KIF3C: variants seen among roughly 807,000 people sequenced by gnomAD.
KIF3C encodes the protein kinesin family member 3C.
Under a neutral mutation model 67.7 loss-of-function variants are expected in KIF3C, and 12 were observed. The observed-to-expected ratio is 0.18, with a 90% CI of 0.11 to 0.29. The LOEUF is 0.29. Ranked by LOEUF, KIF3C falls within the 10% of genes least tolerant of loss-of-function variation. The pLI is 1.00. For synonymous variants in KIF3C, 393 were observed against 426.2 expected (o/e 0.92, Z 0.96); for missense variants, 789 against 1,059.6 (o/e 0.74, Z 3.55).
intron 1 of KIF3C, among the ~76,000 whole-genome samples, chr2:25,960,822 G>C (rs1421023259): frequency 6.6e-6 from 1 of 152,188 alleles, no homozygotes; most frequent in East Asian, 1.9e-4. Flanking sequence ...TGTGGTCCCA[G>C]CTACTCGCAA....
At position 25,955,860 on chromosome 2, in the gene KIF3C, C is replaced by T. The variant is rs1473439825; in HGVS notation, c.1648-197G>A. On this transcript the variant is annotated intron_variant, in intron 2 of 7. Transcript: ENST00000264712. The surrounding 1 kb of genome is among the most constrained non-coding windows in gnomAD (Gnocchi z 5.0). ...TCAGTTCCCAGGGCCATGCCTTTGC[C>T]AGGCTCTGCCCCATGTGGATGGAGA... 6.6e-6 allele frequency among the ~76,000 whole-genome samples: 1 copy of T among 152,130 alleles called. No individual in the cohort carries two copies. The highest frequency in any genetic ancestry group is 1.5e-5 in the Non-Finnish European group (1 of 68,006).
Position 25,980,415 on chromosome 2 carries a change from C to A in KIF3C, c.1503G>T (p.Arg501=). 1 of 1,614,088 alleles carries A rather than the reference C, an allele frequency of 6.2e-7. No homozygotes were observed. The highest frequency in any genetic ancestry group is 8.5e-7 in the Non-Finnish European group (1 of 1,180,018). Reference sequence around the variant, plus strand: ...GCAGCTCTGTGGCCTGCTGTTCCCGCCGCAGGTCCTCCAGCATCTTCTCCT... The same window carrying A: ...GCAGCTCTGTGGCCTGCTGTTCCCGACGCAGGTCCTCCAGCATCTTCTCCT... ...EEKEKMLEDL[R]REQQATELLA... is the part of the protein sequence containing the mutation. The change falls in exon 1 of 8, where the codon CGG becomes CGT. Residue 501 remains arginine (R), a synonymous_variant. Coordinates refer to ENST00000264712, the MANE Select transcript of KIF3C (RefSeq NM_002254.8). The surrounding 1 kb of genome is among the most constrained non-coding windows in gnomAD (Gnocchi z 7.6).
intron 1 of KIF3C, among the ~76,000 whole-genome samples, chr2:25,974,354 C>T (rs1258481468): frequency 1.3e-5 from 2 of 152,164 alleles, no homozygotes; most frequent in Non-Finnish European, 2.9e-5. Flanking sequence ...AGGCATGAGC[C>T]ACCGCGCCCG....
chr2:25,962,802 A>ATT (rs1559555107), intron 1 of KIF3C, among the ~76,000 whole-genome samples: 11 of 89,608 alleles, frequency 1.2e-4, no homozygotes, highest in African/African-American at 5.5e-4. Context: ...TATATTATAT[A>ATT]ATATATAATA....
intron 5 of KIF3C, among the ~76,000 whole-genome samples, chr2:25,934,923 G>A (rs756806808): frequency 3.3e-5 from 5 of 150,790 alleles, no homozygotes; most frequent in Non-Finnish European, 5.9e-5. Flanking sequence ...GCTACAGAGC[G>A]AAGATCCCAG....
chr2:25,955,396 G>T lies in KIF3C; in HGVS notation c.1770+145C>A. On this transcript the variant is annotated intron_variant, in intron 3 of 7. Transcript: ENST00000264712. The surrounding 1 kb of genome is among the most constrained non-coding windows in gnomAD (Gnocchi z 5.0). Reference sequence around the variant, plus strand: ...CAGCCCCCGCCTCCTGCCTCCCCCTGTTGCTCACCCCCGAGGCCAAGCCAT... The same window carrying T: ...CAGCCCCCGCCTCCTGCCTCCCCCTTTTGCTCACCCCCGAGGCCAAGCCAT... The T allele has an allele frequency of 2.1e-6, 2 of 956,422 alleles. No individual in the cohort carries two copies. The highest frequency in any genetic ancestry group is 3.2e-6 in the Non-Finnish European group (2 of 632,322). 59.2% of individuals were successfully genotyped at this position (956,422 alleles called of 1,614,324 possible).
At chr2:25,940,650 CTTTTTTTTTTTTTTT>C (rs70950139) in intron 5 of KIF3C, among the ~76,000 whole-genome samples, 3 of 74,174 alleles carry the variant, frequency 4.0e-5, no homozygotes, top group African/African-American at 1.6e-4. Flanking sequence ...TCAGAATGTT[CTTTTTTTTTTTTTTT>C]TTTTTTTTTG....
chr2:25,963,196 A>ATTTTT lies in KIF3C; in HGVS notation c.1546-6757_1546-6753dup, dbSNP rs1165957083. On this transcript the variant is annotated intron_variant, in intron 1 of 7. Coordinates refer to ENST00000264712, the MANE Select transcript of KIF3C (RefSeq NM_002254.8). The stretch of plus-strand genomic sequence containing the variant: ...TGTGTATATATATATATATATATAT[A>ATTTTT]TTTTTTTTTTTTTTTTTTTTTTTTT... 3.5e-4 allele frequency among the ~76,000 whole-genome samples: 15 copies of ATTTTT among 43,296 alleles called. 2 individuals are homozygous for ATTTTT. Among genetic ancestry groups the ATTTTT allele is most frequent in the Middle Eastern group, 0.021 (1 of 48 alleles). 28.4% of individuals were successfully genotyped at this position (43,296 alleles called of 152,430 possible). A position where few individuals can be genotyped will look rare whatever the true frequency, so the allele number is the denominator to read the frequency against.
At chr2:25,962,952 ATATATAATATATAT>A (rs1246776778) in intron 1 of KIF3C, among the ~76,000 whole-genome samples, 3 of 32,930 alleles carry the variant, frequency 9.1e-5, no homozygotes, top group Non-Finnish European at 1.2e-4. Flanking sequence ...ATAATATATA[ATATATAATATATAT>A]AATATATAAT....
chr2:25,952,894 T>C (rs1414088550), intron 4 of KIF3C, among the ~76,000 whole-genome samples: 1 of 152,142 alleles, frequency 6.6e-6, no homozygotes, highest in Non-Finnish European at 1.5e-5. Flanking sequence ...TGGATTATTG[T>C]AACTTGAAGG....
At chr2:25,938,287 G>C in intron 5 of KIF3C, 1 of 452,732 alleles carries the variant, frequency 2.2e-6, no homozygotes, top group South Asian at 1.6e-5. Context: ...GAACCTGGGA[G>C]ATGGAGGTTT....
At chr2:25,952,562 TA>T (rs58274927) in intron 4 of KIF3C, among the ~76,000 whole-genome samples, 291 of 81,234 alleles carry the variant, frequency 3.6e-3, no homozygotes, top group African/African-American at 0.01. Flanking sequence ...TATATATATA[TA>T]TTTTTTTTTT....
chr2:25,933,552 GT>G (rs2090479656), intron 5 of KIF3C, among the ~76,000 whole-genome samples: 1 of 151,906 alleles, frequency 6.6e-6, no homozygotes, highest in Non-Finnish European at 1.5e-5. Flanking sequence ...GCACACACCT[GT>G]AATCCCAGCT....
chr2:25,959,568 T>C (rs1420438660), intron 1 of KIF3C, among the ~76,000 whole-genome samples: 1 of 152,022 alleles, frequency 6.6e-6, no homozygotes, highest in East Asian at 1.9e-4. Context: ...GCCTCCCACG[T>C]AGCTGAGACT....
chr2:25,969,656 T>C (rs1664228818), intron 1 of KIF3C, among the ~76,000 whole-genome samples: 1 of 152,154 alleles, frequency 6.6e-6, no homozygotes, highest in African/African-American at 2.4e-5. Flanking sequence ...AATTTAAAGA[T>C]GAAGTTAACT....
intron 4 of KIF3C, among the ~76,000 whole-genome samples, chr2:25,953,873 G>A (rs1044276000): frequency 6.9e-6 from 1 of 143,908 alleles, no homozygotes; most frequent in Non-Finnish European, 1.5e-5. Flanking sequence ...TCACCATGTT[G>A]ATCAGGCTGG....
intron 1 of KIF3C, among the ~76,000 whole-genome samples, chr2:25,971,348 G>A (rs1389745398): frequency 1.3e-5 from 2 of 151,668 alleles, no homozygotes. Context: ...GCTGAGGCAG[G>A]GGAATCGCTT....
intron 5 of KIF3C, among the ~76,000 whole-genome samples, chr2:25,945,117 G>A (rs1663396538): frequency 6.7e-6 from 1 of 149,636 alleles, no homozygotes; most frequent in Non-Finnish European, 1.5e-5. Context: ...GGCAACAAGA[G>A]CAAAACTCTA....
intron 1 of KIF3C, among the ~76,000 whole-genome samples, chr2:25,973,230 T>C (rs1664323585): frequency 6.6e-6 from 1 of 152,060 alleles, no homozygotes; most frequent in Non-Finnish European, 1.5e-5. Context: ...GCCCATGACT[T>C]TACTGGGGCA....
Sources: gnomAD v4.1 joint callset for allele counts (sites outside exome capture counted in the v4.1 genomes callset) on GRCh38, gnomAD v4.1.1 for gene constraint, Gnocchi (gnomAD v3.1) non-coding constraint, MANE v1.5 for transcripts, NCBI Gene and HGNC (gene_info 2026-07-23, HGNC 2026-07-21) for gene names.